SYN2: variants seen among roughly 807,000 people sequenced by gnomAD.
SYN2 encodes the protein synapsin-2.
Under a neutral mutation model 50.9 loss-of-function variants are expected in SYN2, and 19 were observed. The observed-to-expected ratio is 0.37, with a 90% confidence interval of 0.26 to 0.55. SYN2 has a LOEUF of 0.55. Ranked by LOEUF, SYN2 falls within the 20% of genes least tolerant of loss-of-function variation. SYN2 has a pLI of 0.81. For missense variants in SYN2, 587 were observed against 576.4 expected (o/e 1.02, Z -0.19); for synonymous variants, 255 against 224.9 (o/e 1.13, Z -1.20).
At chr3:12,064,998 T>C (rs1695182923) in intron 1 of SYN2, among the ~76,000 whole-genome samples, 1 of 152,050 alleles carries the variant, frequency 6.6e-6, no homozygotes, top group Non-Finnish European at 1.5e-5. Flanking sequence ...GTAAACAAAA[T>C]GTGGTATAGC....
intron 5 of SYN2, chr3:12,157,466 GATTTT>G: frequency 6.2e-7 from 1 of 1,614,180 alleles, no homozygotes; most frequent in Non-Finnish European, 8.5e-7. Context: ...TCTCACTGGA[GATTTT>G]GGCCCGAATC....
chr3:12,065,757 T>C (rs767983227), intron 1 of SYN2, among the ~76,000 whole-genome samples: 1 of 152,168 alleles, frequency 6.6e-6, no homozygotes, highest in Non-Finnish European at 1.5e-5. Context: ...AGTACTATGC[T>C]CACTACCTGG....
chr3:12,033,576 T>C (rs1366334695), intron 1 of SYN2, among the ~76,000 whole-genome samples: 1 of 152,202 alleles, frequency 6.6e-6, no homozygotes, highest in Non-Finnish European at 1.5e-5. Context: ...ATTCGTTGGT[T>C]TTAGTATATT....
intron 1 of SYN2, among the ~76,000 whole-genome samples, chr3:12,030,621 C>T (rs1447349265): frequency 0.02 from 2,897 of 147,456 alleles, 106 homozygotes; most frequent in African/African-American, 0.068. Flanking sequence ...GTGTATGTGT[C>T]GAGGAATGTA....
chr3:12,096,217 C>G (rs1268161000), intron 1 of SYN2, among the ~76,000 whole-genome samples: 1 of 152,220 alleles, frequency 6.6e-6, no homozygotes, highest in East Asian at 1.9e-4. Flanking sequence ...TATCTTAAAG[C>G]TTTCAGCCTT....
intron 1 of SYN2, among the ~76,000 whole-genome samples, chr3:12,120,881 C>T (rs1696542961): frequency 6.6e-6 from 1 of 152,184 alleles, no homozygotes; most frequent in African/African-American, 2.4e-5. Flanking sequence ...TAAAATTTTA[C>T]TTATCTTTCC....
At chr3:12,185,595 C>A (rs573944080) in intron 11 of SYN2, 21 of 985,742 alleles carry the variant, frequency 2.1e-5, no homozygotes, top group Non-Finnish European at 2.4e-5. Flanking sequence ...CTATTTCTTT[C>A]CTGACGTTGT....
At chr3:12,169,661 T>G in intron 9 of SYN2, 96 bp from the exon 10 acceptor site, 1 of 1,406,420 alleles carries the variant, frequency 7.1e-7, no homozygotes, top group Admixed American at 2.0e-5. Flanking sequence ...CTCCAGTCCA[T>G]CTCTGCTGGC....
At chr3:12,087,133 TATCTC>T (rs1219917790) in intron 1 of SYN2, among the ~76,000 whole-genome samples, 3 of 152,054 alleles carry the variant, frequency 2.0e-5, no homozygotes, top group African/African-American at 7.2e-5. Context: ...ATAAATAAAA[TATCTC>T]ATAGTAAATT....
At chr3:12,038,518 CATTT>C (rs1389633116) in intron 1 of SYN2, among the ~76,000 whole-genome samples, 1 of 152,074 alleles carries the variant, frequency 6.6e-6, no homozygotes, top group Non-Finnish European at 1.5e-5. Context: ...GAGATATTGG[CATTT>C]ATTAAATATT....
intron 1 of SYN2, among the ~76,000 whole-genome samples, chr3:12,036,399 T>C (rs1227008185): frequency 6.6e-6 from 1 of 152,202 alleles, no homozygotes; most frequent in Non-Finnish European, 1.5e-5. Context: ...GTATTCTGCA[T>C]ATTAGCAGAG....
chr3:12,168,114 G>A (rs1254439345), intron 8 of SYN2, among the ~76,000 whole-genome samples: 2 of 152,218 alleles, frequency 1.3e-5, no homozygotes, highest in Non-Finnish European at 1.5e-5. Flanking sequence ...CAAGAAAGGA[G>A]TAATTGGCAT....
intron 10 of SYN2, among the ~76,000 whole-genome samples, chr3:12,179,147 C>T (rs1698162114): frequency 6.6e-6 from 1 of 152,122 alleles, no homozygotes; most frequent in South Asian, 2.1e-4. Flanking sequence ...GATCACTAAG[C>T]CCAGTAGATT....
At chr3:12,047,786 G>A (rs918702020) in intron 1 of SYN2, among the ~76,000 whole-genome samples, 3 of 152,164 alleles carry the variant, frequency 2.0e-5, no homozygotes, top group African/African-American at 7.2e-5. Context: ...TTGTAAAACA[G>A]GAAGCAGTGT....
At chr3:12,104,695 T>A (rs1330750301) in intron 1 of SYN2, among the ~76,000 whole-genome samples, 1 of 147,478 alleles carries the variant, frequency 6.8e-6, no homozygotes, top group African/African-American at 2.5e-5. Flanking sequence ...CCTCAGCCTC[T>A]CAAGTAGCTG....
At chr3:12,051,255 G>T (rs1229019698) in intron 1 of SYN2, among the ~76,000 whole-genome samples, 2 of 151,534 alleles carry the variant, frequency 1.3e-5, no homozygotes, top group African/African-American at 4.8e-5. Context: ...TTCTAAACAG[G>T]ATTTTAAGAT....
chr3:12,163,309 TATATAG>T (rs1697702804), intron 7 of SYN2, among the ~76,000 whole-genome samples: 2 of 151,146 alleles, frequency 1.3e-5, no homozygotes, highest in Non-Finnish European at 2.9e-5. Flanking sequence ...ACATTATTAA[TATATAG>T]ATTTGATCTT....
In SYN2 at chr3:12,187,429, T is replaced by TC. The variant is rs757519034; in HGVS notation, c.1436dup (p.Gly480TrpfsTer72). On this transcript the variant is annotated frameshift_variant, in exon 12 of 13. Transcript: ENST00000621198. LOFTEE classifies it high-confidence loss of function. Reference sequence around the variant, plus strand: ...GGCAAGGTGCTGCCTCCACGCCGGCTCCCCCCTGGACCATCACTGCCACCT... The same window carrying TC: ...GGCAAGGTGCTGCCTCCACGCCGGCTCCCCCCCTGGACCATCACTGCCACCT... The TC allele has an allele frequency of 1.3e-6, 2 of 1,547,340 alleles. No individual in the cohort carries two copies. The highest frequency in any genetic ancestry group is 8.7e-7 in the Non-Finnish European group (1 of 1,144,872).
intron 1 of SYN2, among the ~76,000 whole-genome samples, chr3:12,033,574 G>GT (rs1287640803): frequency 3.3e-5 from 5 of 152,038 alleles, no homozygotes; most frequent in African/African-American, 1.2e-4. Context: ...CAATTCGTTG[G>GT]TTTTAGTATA....
Sources: gnomAD v4.1 joint callset for allele counts (sites outside exome capture counted in the v4.1 genomes callset) on GRCh38, gnomAD v4.1.1 for gene constraint, MANE v1.5 for transcripts, NCBI Gene and HGNC (gene_info 2026-07-23, HGNC 2026-07-21) for gene names.